Variants in NDUFA10 observed in about 807,000 individuals in gnomAD.
The protein encoded by NDUFA10 is NADH dehydrogenase [ubiquinone] 1 alpha subcomplex subunit 10, mitochondrial.
NDUFA10 carries 40 observed loss-of-function variants against 47.8 expected under a neutral mutation model. The observed-to-expected ratio is 0.84, with a 90% CI of 0.65 to 1.09. The LOEUF (loss-of-function observed/expected upper bound fraction) is 1.09, where lower values mean the gene tolerates loss of function less well. Ranked by LOEUF, NDUFA10 falls within the 50% of genes least tolerant of loss-of-function variation. The pLI, the probability that NDUFA10 is intolerant of heterozygous loss-of-function variation, is 0.00. For missense variants in NDUFA10, 413 were observed against 451.1 expected (o/e 0.92, Z 0.76); for synonymous variants, 183 against 172.2 (o/e 1.06, Z -0.49).
chr2:240,023,610 C>A (rs1697733846), intron 1 of NDUFA10, among the ~76,000 whole-genome samples: 1 of 151,828 alleles, frequency 6.6e-6, no homozygotes, highest in Non-Finnish European at 1.5e-5. Context: ...TGTCCAACAA[C>A]GGAGGAATAG....
At chr2:239,962,528 C>A (rs1365748562) in intron 9 of NDUFA10, among the ~76,000 whole-genome samples, 2 of 152,194 alleles carry the variant, frequency 1.3e-5, no homozygotes, top group African/African-American at 2.4e-5. Context: ...AGGAGCCACC[C>A]TTCCTCCTCC....
At chr2:239,964,648 A>T (rs890361149) in intron 9 of NDUFA10, among the ~76,000 whole-genome samples, 3 of 152,152 alleles carry the variant, frequency 2.0e-5, no homozygotes, top group African/African-American at 4.8e-5. Flanking sequence ...ACAAACCCGG[A>T]GGGAGGGGCA....
chr2:239,924,788 T>C (rs888097617), intron 4 of NDUFA10, among the ~76,000 whole-genome samples: 7 of 152,116 alleles, frequency 4.6e-5, no homozygotes, highest in Admixed American at 1.3e-4. Context: ...GCAGATGACA[T>C]GATGGTATAC....
intron 7 of NDUFA10, among the ~76,000 whole-genome samples, chr2:240,006,636 A>T (rs1379612087): frequency 2.0e-5 from 3 of 152,234 alleles, no homozygotes; most frequent in Non-Finnish European, 4.4e-5. Context: ...TTGTTTTTTA[A>T]CAAATGGATG....
downstream of NDUFA10, among the ~76,000 whole-genome samples, chr2:239,957,050 G>T (rs541451782): frequency 6.6e-6 from 1 of 152,116 alleles, no homozygotes; most frequent in Non-Finnish European, 1.5e-5. Flanking sequence ...GTGGGCTCTG[G>T]GGGGTGCCCT....
intron 4 of NDUFA10, among the ~76,000 whole-genome samples, chr2:239,914,266 T>C (rs893591625): frequency 4.5e-5 from 6 of 133,244 alleles, no homozygotes; most frequent in Non-Finnish European, 9.5e-5. Flanking sequence ...CACATATACA[T>C]ACACAGACAC....
intron 8 of NDUFA10, among the ~76,000 whole-genome samples, chr2:239,994,641 T>C (rs1484890715): frequency 6.6e-6 from 1 of 152,150 alleles, no homozygotes; most frequent in African/African-American, 2.4e-5. Flanking sequence ...CGCCCCAGTC[T>C]GTGTAAAAAC....
chr2:239,950,490 G>A (rs539119231), intron 4 of NDUFA10, among the ~76,000 whole-genome samples: 32 of 152,344 alleles, frequency 2.1e-4, no homozygotes, highest in African/African-American at 7.7e-4. Context: ...CTGTTTTTAG[G>A]CATCTGAAGT....
chr2:239,916,769 T>C (rs1166133455), intron 4 of NDUFA10, among the ~76,000 whole-genome samples: 1 of 152,222 alleles, frequency 6.6e-6, no homozygotes, highest in Non-Finnish European at 1.5e-5. Flanking sequence ...ACAGGCGCTG[T>C]GTGAGCCTCC....
intron 9 of NDUFA10, among the ~76,000 whole-genome samples, chr2:239,973,050 C>T (rs1203089336): frequency 2.0e-5 from 3 of 152,118 alleles, no homozygotes; most frequent in Non-Finnish European, 2.9e-5. Context: ...TCATCTTCTT[C>T]GAGGGACACA....
Position 239,966,102 on chromosome 2 carries a change from C to T in NDUFA10, c.1000-4916G>A, listed in dbSNP as rs539323514. Reference sequence around the variant, plus strand: ...AGCTAAGCTGCCCTCCACCCATGACCCTGGCGTGTGTCAGTCCCTGGTGGC... The same window carrying T: ...AGCTAAGCTGCCCTCCACCCATGACTCTGGCGTGTGTCAGTCCCTGGTGGC... On this transcript the variant is annotated intron_variant, in intron 9 of 9. Transcript: ENST00000252711. Among the ~76,000 whole-genome samples, 39 of 152,374 alleles carry T rather than the reference C, an allele frequency of 2.6e-4. No individual in the cohort carries two copies. The South Asian group carries it at 8.1e-3, about 32-fold the overall frequency.
rs1281119678 is a variant in NDUFA10 at position 239,961,049 on chromosome 2, C to T, written c.*69G>A. 3.3e-5 allele frequency: 53 copies of T among 1,609,378 alleles called. No individual in the cohort carries two copies. The highest frequency in any genetic ancestry group is 9.0e-5 in the East Asian group (4 of 44,640). On this transcript the variant is annotated 3_prime_UTR_variant, in exon 10 of 10. Coordinates refer to ENST00000252711, the MANE Select transcript of NDUFA10 (RefSeq NM_004544.4). ...CTCCCCCGATCTTAAAGCTATATGGCGTCCAGGAGAGTGCGGCTGATGCAG... is the reference window on the plus strand; with the variant it reads ...CTCCCCCGATCTTAAAGCTATATGGTGTCCAGGAGAGTGCGGCTGATGCAG...
chr2:239,965,762 G>A (rs1695033546), intron 9 of NDUFA10, among the ~76,000 whole-genome samples: 1 of 152,212 alleles, frequency 6.6e-6, no homozygotes, highest in African/African-American at 2.4e-5. Flanking sequence ...TACACCGGGT[G>A]AGCAAACCAA....
chr2:240,009,592 C>T (rs994917672), intron 6 of NDUFA10, among the ~76,000 whole-genome samples: 1 of 152,134 alleles, frequency 6.6e-6, no homozygotes, highest in African/African-American at 2.4e-5. Flanking sequence ...CATTCATAAG[C>T]AACAAATACA....
At chr2:239,907,591 A>G (rs1222233245) in intron 4 of NDUFA10, among the ~76,000 whole-genome samples, 1 of 152,262 alleles carries the variant, frequency 6.6e-6, no homozygotes, top group East Asian at 1.9e-4. Context: ...GGCGAAGGAT[A>G]TAAACAGACA....
chr2:239,902,870 G>T (rs1158337121), intron 4 of NDUFA10, among the ~76,000 whole-genome samples: 5 of 152,008 alleles, frequency 3.3e-5, no homozygotes, highest in Non-Finnish European at 7.3e-5. Flanking sequence ...TGCGGAAGGG[G>T]GCTGGGCTCC....
At chr2:239,930,570 G>A (rs553688865) in intron 4 of NDUFA10, among the ~76,000 whole-genome samples, 51 of 152,080 alleles carry the variant, frequency 3.4e-4, no homozygotes, top group African/African-American at 1.2e-3. Flanking sequence ...CCTGCCTGCC[G>A]CCCCCAAAGA....
intron 4 of NDUFA10, among the ~76,000 whole-genome samples, chr2:239,930,545 G>A (rs1359276316): frequency 2.6e-5 from 4 of 151,914 alleles, no homozygotes; most frequent in Admixed American, 6.6e-5. Context: ...CCCGCTGTCC[G>A]CAGCCTCTGC....
intron 1 of NDUFA10, among the ~76,000 whole-genome samples, chr2:240,023,977 C>T (rs540463979): frequency 2.6e-5 from 4 of 152,302 alleles, no homozygotes; most frequent in Admixed American, 2.6e-4. Flanking sequence ...CCAAAGTAAC[C>T]GACAGCCCCG....
Sources: gnomAD v4.1 joint callset for allele counts (sites outside exome capture counted in the v4.1 genomes callset) on GRCh38, gnomAD v4.1.1 for gene constraint, MANE v1.5 for transcripts, NCBI Gene and HGNC (gene_info 2026-07-23, HGNC 2026-07-21) for gene names.